Variants in MUSK observed in about 807,000 individuals in gnomAD.
The protein encoded by MUSK is muscle associated receptor tyrosine kinase.
Under a neutral mutation model 88.7 loss-of-function variants are expected in MUSK, and 55 were observed. That is an observed-to-expected ratio of 0.62 (90% CI 0.50 to 0.78). The LOEUF is 0.78. Ranked by LOEUF, MUSK falls within the 30% of genes least tolerant of loss-of-function variation. The pLI is 0.00. For synonymous variants in MUSK, 387 were observed against 391.9 expected (o/e 0.99, Z 0.15); for missense variants, 1,015 against 1,074.3 (o/e 0.94, Z 0.77).
chr9:110,670,629 G>C (rs2075945489), intron 1 of MUSK, among the ~76,000 whole-genome samples: 1 of 151,974 alleles, frequency 6.6e-6, no homozygotes, highest in Admixed American at 6.6e-5. Flanking sequence ...AAATATAGTG[G>C]CATAGAGATA....
chr9:110,730,366 T>C (rs572308701), intron 5 of MUSK, among the ~76,000 whole-genome samples: 1 of 152,234 alleles, frequency 6.6e-6, no homozygotes, highest in African/African-American at 2.4e-5. Flanking sequence ...CAGTTATAAA[T>C]GCTTTCCAAC....
chr9:110,719,957 T>C (rs1327931677), intron 5 of MUSK, among the ~76,000 whole-genome samples: 1 of 151,694 alleles, frequency 6.6e-6, no homozygotes, highest in Non-Finnish European at 1.5e-5. Flanking sequence ...ACCATGAAAA[T>C]ACATGGAAAT....
intron 7 of MUSK, among the ~76,000 whole-genome samples, chr9:110,755,985 T>TATATAC (rs2077317939): frequency 7.0e-6 from 1 of 142,100 alleles, no homozygotes; most frequent in Non-Finnish European, 1.5e-5. Context: ...TATACATATA[T>TATATAC]ATATATATAT....
At chr9:110,706,593 T>C (rs2076601957) in intron 5 of MUSK, among the ~76,000 whole-genome samples, 1 of 152,134 alleles carries the variant, frequency 6.6e-6, no homozygotes, top group African/African-American at 2.4e-5. Flanking sequence ...CATGCTGATT[T>C]GAATGGCAGG....
At chr9:110,700,887 A>G (rs565752591) in intron 5 of MUSK, among the ~76,000 whole-genome samples, 2 of 152,318 alleles carry the variant, frequency 1.3e-5, no homozygotes, top group East Asian at 3.9e-4. Context: ...TACTTTCAGA[A>G]GTATCCAAGC....
chr9:110,714,125 G>T (rs1278885106), intron 5 of MUSK, among the ~76,000 whole-genome samples: 1 of 152,060 alleles, frequency 6.6e-6, no homozygotes, highest in Non-Finnish European at 1.5e-5. Context: ...GAAGAAAAAA[G>T]TGAATCAGGA....
rs1243207406 is a variant in MUSK at position 110,803,136 on chromosome 9, A to G, written c.*2148A>G. On this transcript the variant is annotated 3_prime_UTR_variant, in exon 15 of 15. Coordinates refer to ENST00000374448, the MANE Select transcript of MUSK (RefSeq NM_005592.4). ...TAAAGTTTTGTTGTAAAAGACAGAC[A>G]TAGAAGTCAGGCTGACAGAAAATAG... Among the ~76,000 whole-genome samples the G allele has an allele frequency of 6.6e-6, 1 of 152,242 alleles. No individual in the cohort carries two copies. Among genetic ancestry groups the G allele is most frequent in the Non-Finnish European group, 1.5e-5 (1 of 68,030 alleles).
At chr9:110,726,066 C>T (rs1454104915) in intron 5 of MUSK, among the ~76,000 whole-genome samples, 2 of 151,876 alleles carry the variant, frequency 1.3e-5, no homozygotes, top group Non-Finnish European at 2.9e-5. Context: ...TTTAAAGTAA[C>T]CTCAATTGTG....
chr9:110,783,415 A>G (rs1394707868), intron 11 of MUSK, among the ~76,000 whole-genome samples: 2 of 152,070 alleles, frequency 1.3e-5, no homozygotes, highest in African/African-American at 4.8e-5. Flanking sequence ...TTTCCTGCCT[A>G]TGGTAATATT....
At chr9:110,672,217 C>G (rs998737578) in intron 1 of MUSK, among the ~76,000 whole-genome samples, 1 of 152,106 alleles carries the variant, frequency 6.6e-6, no homozygotes, top group Non-Finnish European at 1.5e-5. Context: ...TACCTTATTT[C>G]CAAAGGTAAA....
Position 110,687,225 on chromosome 9 carries a change from G to C in MUSK, c.315G>C (p.Val105=). 1.9e-6 allele frequency: 3 copies of C among 1,613,918 alleles called. No homozygotes were observed. In the South Asian group the frequency reaches 3.3e-5, roughly 18 times the overall value. The change falls in exon 3 of 15, where the codon GTG becomes GTC. Residue 105 remains valine (V), a synonymous_variant. Coordinates refer to ENST00000374448, the MANE Select transcript of MUSK (RefSeq NM_005592.4). The part of the protein sequence containing the change: ...GIYCCTANNG[V]GGAVESCGAL... ...ACTGCTGCACGGCCAACAATGGTGTGGGAGGAGCTGTGGAGAGTTGTGGAG... is the reference window on the plus strand; with the variant it reads ...ACTGCTGCACGGCCAACAATGGTGTCGGAGGAGCTGTGGAGAGTTGTGGAG...
At chr9:110,762,347 A>G (rs1252643776) in intron 8 of MUSK, 139 bp downstream of exon 8, 8 of 509,310 alleles carry the variant, frequency 1.6e-5, no homozygotes, top group Non-Finnish European at 2.6e-5. Flanking sequence ...GTTATTTGAC[A>G]TGCCATTTAT....
chr9:110,715,128 C>T lies in MUSK; in HGVS notation c.628+17662C>T, dbSNP rs76431983. The stretch of plus-strand genomic sequence containing the variant: ...AATAAAGCCTTCTCCCTTTGAAGTC[C>T]GCTAAAGGAACAGCTTTCATGACTC... On this transcript the variant is annotated intron_variant, in intron 5 of 14. Coordinates refer to ENST00000374448, the MANE Select transcript of MUSK (RefSeq NM_005592.4). Among the ~76,000 whole-genome samples the T allele has an allele frequency of 2.9e-3, 435 of 149,652 alleles. 36 individuals are homozygous for T. The highest frequency in any genetic ancestry group is 0.011 in the African/African-American group (421 of 39,398).
chr9:110,787,948 C>T, intron 14 of MUSK, 110 bp downstream of exon 14: 1 of 1,264,386 alleles, frequency 7.9e-7, no homozygotes, highest in South Asian at 1.3e-5. Flanking sequence ...TGAGACGTTT[C>T]AGTTCCTTTT....
intron 6 of MUSK, among the ~76,000 whole-genome samples, chr9:110,735,455 C>A (rs1361668502): frequency 6.6e-6 from 1 of 151,892 alleles, no homozygotes; most frequent in Admixed American, 6.6e-5. Flanking sequence ...TGAAATAAAC[C>A]AGACACAGCA....
Position 110,668,855 on chromosome 9 carries a change from T to C in MUSK, c.-50T>C. 1 of 1,447,506 alleles carries C rather than the reference T, an allele frequency of 6.9e-7. No homozygotes were observed. The highest frequency in any genetic ancestry group is 1.1e-5 in the South Asian group (1 of 87,492). 89.7% of individuals were successfully genotyped at this position (1,447,506 alleles called of 1,614,324 possible). On this transcript the variant is annotated 5_prime_UTR_variant, in exon 1 of 15. Transcript: ENST00000374448. ...TAAAATGTAAACTGTGGAGCCATTTTCCTTGCGTTGTCCAGAAGGAACTTC... is the reference window on the plus strand; with the variant it reads ...TAAAATGTAAACTGTGGAGCCATTTCCCTTGCGTTGTCCAGAAGGAACTTC...
In MUSK at chr9:110,802,752, C is replaced by G. The variant is rs1244331416; in HGVS notation, c.*1764C>G. Among the ~76,000 whole-genome samples the G allele has an allele frequency of 6.6e-6, 1 of 152,136 alleles. No homozygotes were observed. The highest frequency in any genetic ancestry group is 2.1e-4 in the South Asian group (1 of 4,822). On this transcript the variant is annotated 3_prime_UTR_variant, in exon 15 of 15. Transcript: ENST00000374448. ...GTTGCCCACCCTGTCTATTAGCTGG[C>G]CTTCCTCTCATTTCAGACCTGAACA...
At chr9:110,717,636 T>C (rs1200248965) in intron 5 of MUSK, among the ~76,000 whole-genome samples, 1 of 150,172 alleles carries the variant, frequency 6.7e-6, no homozygotes, top group African/African-American at 2.5e-5. Context: ...TTCATTCAAT[T>C]AGATCTGTGA....
At chr9:110,673,448 T>C (rs936367121) in intron 1 of MUSK, among the ~76,000 whole-genome samples, 4 of 152,202 alleles carry the variant, frequency 2.6e-5, no homozygotes, top group Admixed American at 2.6e-4. Flanking sequence ...AAAAGTATAA[T>C]GCATGGCACA....
Sources: gnomAD v4.1 joint callset for allele counts (sites outside exome capture counted in the v4.1 genomes callset) on GRCh38, gnomAD v4.1.1 for gene constraint, MANE v1.5 for transcripts, NCBI Gene and HGNC (gene_info 2026-07-23, HGNC 2026-07-21) for gene names.